The following GATM variants were observed in gnomAD, a reference collection of about 807,000 sequenced individuals.
The protein encoded by GATM is glycine amidinotransferase.
GATM carries 23 observed loss-of-function variants against 54.2 expected under a neutral mutation model. The ratio of observed to expected loss-of-function variants is 0.42; its 90% CI spans 0.31 to 0.60. The LOEUF is 0.60. GATM is among the 20% of genes least tolerant of loss of function. The pLI is 0.14. For missense variants in GATM, 401 were observed against 544.9 expected, an observed-to-expected ratio of 0.74 and a Z score of 2.63; for synonymous variants, 168 against 183.1, an observed-to-expected ratio of 0.92 and a Z score of 0.67.
At position 45,400,125 on chromosome 15, in the gene GATM, G is replaced by A. The variant is rs778999527; in HGVS notation, c.-529-530C>T. On this transcript the variant is annotated intron_variant, in intron 1 of 4. Coordinates refer to the GATM transcript ENST00000561148. Reference sequence around the variant, plus strand: ...TAATCCCAGCTACTTGGGAGCCTGAGGCAGGAGAATTGCTTGAACTTGGGA... The same window carrying A: ...TAATCCCAGCTACTTGGGAGCCTGAAGCAGGAGAATTGCTTGAACTTGGGA... 2.6e-5 allele frequency among the ~76,000 whole-genome samples: 4 copies of A among 152,208 alleles called. No individual in the cohort carries two copies. In the South Asian group the frequency reaches 8.3e-4, roughly 32 times the overall value.
At chr15:45,364,964 G>C in intron 6 of GATM, 104 bp from the exon 7 acceptor site, 2 of 904,930 alleles carry the variant, frequency 2.2e-6, no homozygotes, top group South Asian at 3.0e-5. Flanking sequence ...TTGAGAAGCT[G>C]TCTTCTCAGC....
chr15:45,363,799 T>C, intron 8 of GATM, 101 bp downstream of exon 8: 1 of 768,982 alleles, frequency 1.3e-6, no homozygotes. Flanking sequence ...GAATCAAAAT[T>C]GAATTAGACA....
rs77558623 is a variant in GATM, at chr15:45,387,446, G to GT, written c.-319+9475dup. ...AACAGTACTATTTCATGGTATTCCT[G>GT]TTTTTTTTTTTTTATGTCCAAACCT... On this transcript the variant is annotated intron_variant, in intron 3 of 4. Transcript: ENST00000561148. 3.6e-3 allele frequency among the ~76,000 whole-genome samples: 525 copies of GT among 144,804 alleles called. 1 individual carries two copies. Among genetic ancestry groups the GT allele is most frequent in the South Asian group, 3.7e-3 (17 of 4,578 alleles). The allele number at this position is 144,804 out of a possible 152,430, so 95.0% of individuals were successfully genotyped here. A position where few individuals can be genotyped will look rare whatever the true frequency, so the allele number is the denominator to read the frequency against.
chr15:45,387,701 T>C (rs972068845), intron 3 of GATM, among the ~76,000 whole-genome samples: 1 of 152,224 alleles, frequency 6.6e-6, no homozygotes, highest in Non-Finnish European at 1.5e-5. Context: ...ATTTTTTCCC[T>C]TGGAATTTGT....
chr15:45,378,652 C>A, upstream of GATM: 1 of 443,026 alleles, frequency 2.3e-6, no homozygotes, highest in East Asian at 4.0e-5. Context: ...CGTAGCGCCC[C>A]GAATTAGGAA....
chr15:45,391,954 A>G (rs1227800716), intron 3 of GATM, among the ~76,000 whole-genome samples: 1 of 152,238 alleles, frequency 6.6e-6, no homozygotes, highest in Non-Finnish European at 1.5e-5. Context: ...TACCATCATA[A>G]TAAAGAGTGT....
intron 4 of GATM, among the ~76,000 whole-genome samples, chr15:45,367,822 T>C (rs1889473281): frequency 6.6e-6 from 1 of 152,162 alleles, no homozygotes; most frequent in Non-Finnish European, 1.5e-5. Flanking sequence ...ATTGAGGATG[T>C]AAATAAAGGG....
chr15:45,395,826 C>T (rs181928235), intron 3 of GATM, among the ~76,000 whole-genome samples: 5 of 152,176 alleles, frequency 3.3e-5, no homozygotes, highest in East Asian at 1.9e-4. Flanking sequence ...TCCCATTTAC[C>T]GCACATTTCC....
At chr15:45,363,784 A>G in intron 8 of GATM, 116 bp downstream of exon 8, 1 of 722,410 alleles carries the variant, frequency 1.4e-6, no homozygotes. Context: ...TGGTGCCTCT[A>G]AAAGGAATCA....
rs1408463181 is a variant in GATM at position 45,361,738 on chromosome 15, GA to G, written c.*370del. The stretch of plus-strand genomic sequence containing the variant: ...AAACATTCTCAAGTCTATAGAAGAG[GA>G]AAAAAAATTAAGATTAGGACCAACA... On this transcript the variant is annotated 3_prime_UTR_variant, in exon 9 of 9. Transcript: ENST00000396659. 11 of 476,638 alleles carry G rather than the reference GA, an allele frequency of 2.3e-5. No homozygotes were observed. The highest frequency in any genetic ancestry group is 7.6e-5 in the Admixed American group (2 of 26,430). 29.5% of individuals were successfully genotyped at this position (476,638 alleles called of 1,614,324 possible). A position where few individuals can be genotyped will look rare whatever the true frequency, so the allele number is the denominator to read the frequency against.
upstream of GATM, among the ~76,000 whole-genome samples, chr15:45,382,443 C>T (rs573449509): frequency 3.3e-5 from 5 of 152,230 alleles, no homozygotes; most frequent in African/African-American, 1.2e-4. Flanking sequence ...GGGTGGATCA[C>T]CTGAGGTCAG....
intron 2 of GATM, 183 bp from the exon 3 acceptor site, chr15:45,369,704 G>A: frequency 3.2e-6 from 2 of 624,172 alleles, no homozygotes; most frequent in Middle Eastern, 4.2e-4. Flanking sequence ...AGTATCTGTT[G>A]AATGAAGAAC....
chr15:45,401,747 T>C (rs1446438224), intron 1 of GATM, among the ~76,000 whole-genome samples: 1 of 152,234 alleles, frequency 6.6e-6, no homozygotes, highest in Non-Finnish European at 1.5e-5. Flanking sequence ...AATGTACTGT[T>C]GGTGTGCTAC....
At chr15:45,372,611 C>A (rs1240727227) in intron 2 of GATM, among the ~76,000 whole-genome samples, 5 of 152,184 alleles carry the variant, frequency 3.3e-5, no homozygotes, top group Non-Finnish European at 5.9e-5. Flanking sequence ...GGACAAGAAG[C>A]CTTTGAAAAT....
At chr15:45,370,037 C>T (rs1889514897) in intron 2 of GATM, among the ~76,000 whole-genome samples, 1 of 152,124 alleles carries the variant, frequency 6.6e-6, no homozygotes, top group South Asian at 2.1e-4. Flanking sequence ...TATTTTGCCC[C>T]GTTAAGATCA....
At position 45,364,568 on chromosome 15, in the gene GATM, T is replaced by A. The variant is rs536712118; in HGVS notation, c.1042+229A>T. On this transcript the variant is annotated intron_variant, in intron 7 of 8. Transcript: ENST00000396659. ...AAAAAAAGTCATATCTTGCTTTACG[T>A]GATGTTGTTTTATTCTGTCTTCTCC... The A allele has an allele frequency of 5.4e-5, 27 of 504,052 alleles. No homozygotes were observed. In the East Asian group the frequency reaches 8.5e-4, roughly 16 times the overall value. The allele number at this position is 504,052 out of a possible 1,614,324, so 31.2% of individuals were successfully genotyped here.
chr15:45,392,291 G>A (rs966250297), intron 3 of GATM, among the ~76,000 whole-genome samples: 3 of 152,160 alleles, frequency 2.0e-5, no homozygotes, highest in Non-Finnish European at 4.4e-5. Context: ...GGTACTTTCC[G>A]TATCTGGTTC....
upstream of GATM, among the ~76,000 whole-genome samples, chr15:45,380,852 C>A (rs1045913204): frequency 2.6e-5 from 4 of 152,242 alleles, no homozygotes; most frequent in African/African-American, 9.6e-5. Flanking sequence ...CAAATCAAAG[C>A]ACTCACTCCT....
At chr15:45,402,110 A>C in exon 1 of GATM, 1 of 358,358 alleles carries the variant, frequency 2.8e-6, no homozygotes, top group South Asian at 4.4e-5. Context: ...AGATATATGT[A>C]ACCACCAAAG....
Sources: gnomAD v4.1 joint callset for allele counts (sites outside exome capture counted in the v4.1 genomes callset) on GRCh38, gnomAD v4.1.1 for gene constraint, MANE v1.5 for transcripts, NCBI Gene and HGNC (gene_info 2026-07-23, HGNC 2026-07-21) for gene names.